PTN: variants seen among roughly 807,000 people sequenced by gnomAD.
PTN encodes pleiotrophin.
A neutral mutation model predicts 24.1 loss-of-function variants in PTN; 18 were observed. The observed-to-expected ratio is 0.75, with a 90% CI of 0.52 to 1.11. The LOEUF is 1.11. PTN is among the 50% of genes least tolerant of loss of function. The pLI, the probability that PTN is intolerant of heterozygous loss-of-function variation, is 0.00. For synonymous variants in PTN, 78 were observed against 68.6 expected (o/e 1.14, Z -0.67); for missense variants, 163 against 198.8 (o/e 0.82, Z 1.08).
At chr7:137,332,791 G>C (rs975274782) in intron 1 of PTN, among the ~76,000 whole-genome samples, 4 of 152,090 alleles carry the variant, frequency 2.6e-5, no homozygotes, top group Admixed American at 1.3e-4. Flanking sequence ...CCAACAATCT[G>C]ATGTTCATAA....
At chr7:137,275,962 A>C (rs190932139) in intron 1 of PTN, among the ~76,000 whole-genome samples, 4 of 152,356 alleles carry the variant, frequency 2.6e-5, no homozygotes, top group African/African-American at 9.6e-5. Flanking sequence ...TCAATTAAAA[A>C]CATAATTAAC....
At chr7:137,314,564 C>T (rs1310007918) in intron 1 of PTN, among the ~76,000 whole-genome samples, 1 of 149,582 alleles carries the variant, frequency 6.7e-6, no homozygotes, top group African/African-American at 2.5e-5. Flanking sequence ...ATGGTATTAT[C>T]TCTCAGGTCC....
rs143291701 is a variant in PTN, at chr7:137,315,351, G to GA, written c.-2+28087dup. ...CCTGAATGTCCCAGAACACTTACAC[G>GA]AAAAAAAAAAAAAGTGCAAGCTCAA... On this transcript the variant is annotated intron_variant, in intron 1 of 4. Transcript: ENST00000348225. Among the ~76,000 whole-genome samples, 1,265 of 140,336 alleles carry GA rather than the reference G, an allele frequency of 9.0e-3. 7 individuals are homozygous for GA. The highest frequency in any genetic ancestry group is 0.018 in the South Asian group (79 of 4,474). The allele number at this position is 140,336 out of a possible 152,430, so 92.1% of individuals were successfully genotyped here.
intron 2 of PTN, among the ~76,000 whole-genome samples, chr7:137,254,285 G>A (rs2128871408): frequency 1.4e-5 from 2 of 144,848 alleles, no homozygotes; most frequent in East Asian, 2.1e-4. Flanking sequence ...GACAGAGCGA[G>A]ACTCCAACTC....
chr7:137,320,378 AACTC>A (rs61282488), intron 1 of PTN, among the ~76,000 whole-genome samples: 11,020 of 152,250 alleles, frequency 0.072, 524 homozygotes, highest in East Asian at 0.15. Context: ...TCCATTTTCT[AACTC>A]ACTCATCTAC....
intron 4 of PTN, among the ~76,000 whole-genome samples, chr7:137,245,992 T>A (rs913661128): frequency 6.6e-6 from 1 of 152,342 alleles, no homozygotes; most frequent in South Asian, 2.1e-4. Flanking sequence ...CATTTACTGT[T>A]GGAGAAAGAA....
At chr7:137,292,619 T>C (rs1809655987) in intron 1 of PTN, among the ~76,000 whole-genome samples, 1 of 152,196 alleles carries the variant, frequency 6.6e-6, no homozygotes, top group African/African-American at 2.4e-5. Flanking sequence ...GGTAAGTCTT[T>C]ATTAGCAGCA....
intron 1 of PTN, among the ~76,000 whole-genome samples, chr7:137,264,813 C>A (rs1200828473): frequency 6.6e-6 from 1 of 152,118 alleles, no homozygotes; most frequent in Non-Finnish European, 1.5e-5. Flanking sequence ...TTAGGTTTTG[C>A]CTAAGAGTTA....
chr7:137,231,722 G>T (rs1808429849), intron 4 of PTN, among the ~76,000 whole-genome samples: 1 of 151,956 alleles, frequency 6.6e-6, no homozygotes, highest in Admixed American at 6.6e-5. Context: ...CTCAAGGAAA[G>T]TAAGGAGTGT....
intron 1 of PTN, among the ~76,000 whole-genome samples, chr7:137,337,627 C>A (rs1279517162): frequency 1.3e-5 from 2 of 152,042 alleles, no homozygotes; most frequent in East Asian, 3.9e-4. Context: ...AGTCTTGAAT[C>A]GGCAACTATG....
chr7:137,234,935 AT>A (rs1235126710), intron 4 of PTN, among the ~76,000 whole-genome samples: 1 of 152,080 alleles, frequency 6.6e-6, no homozygotes, highest in African/African-American at 2.4e-5. Flanking sequence ...GGGAGGAAGT[AT>A]TGATTAGAAT....
chr7:137,314,900 CTTTG>C (rs1810045774), intron 1 of PTN, among the ~76,000 whole-genome samples: 1 of 152,098 alleles, frequency 6.6e-6, no homozygotes, highest in African/African-American at 2.4e-5. Context: ...GCCCATGTTG[CTTTG>C]TGATACTAGT....
chr7:137,321,584 A>T (rs1181404957), intron 1 of PTN, among the ~76,000 whole-genome samples: 2 of 152,208 alleles, frequency 1.3e-5, no homozygotes, highest in African/African-American at 4.8e-5. Context: ...TTTTTCCATG[A>T]CAATGTGATT....
chr7:137,328,718 C>T (rs761467902), intron 1 of PTN, among the ~76,000 whole-genome samples: 1 of 152,100 alleles, frequency 6.6e-6, no homozygotes, highest in Non-Finnish European at 1.5e-5. Flanking sequence ...CTTTCCTCAG[C>T]GCAGGCATGT....
At chr7:137,314,555 T>C (rs1280719729) in intron 1 of PTN, among the ~76,000 whole-genome samples, 1 of 151,296 alleles carries the variant, frequency 6.6e-6, no homozygotes, top group African/African-American at 2.4e-5. Flanking sequence ...CCTATTTTTA[T>C]GGTATTATCT....
At chr7:137,328,718 C>A (rs761467902) in intron 1 of PTN, among the ~76,000 whole-genome samples, 1 of 152,100 alleles carries the variant, frequency 6.6e-6, no homozygotes, top group Non-Finnish European at 1.5e-5. Context: ...CTTTCCTCAG[C>A]GCAGGCATGT....
chr7:137,245,265 A>G (rs898241401), intron 4 of PTN, among the ~76,000 whole-genome samples: 1 of 152,208 alleles, frequency 6.6e-6, no homozygotes, highest in African/African-American at 2.4e-5. Flanking sequence ...GCACTTTCTG[A>G]CGAAGAGCTG....
chr7:137,317,955 A>G (rs1810100769), intron 1 of PTN, among the ~76,000 whole-genome samples: 1 of 152,056 alleles, frequency 6.6e-6, no homozygotes, highest in Admixed American at 6.6e-5. Context: ...GACAAGATAG[A>G]CTTGACCCTT....
At chr7:137,293,423 G>T (rs1048172093) in intron 1 of PTN, among the ~76,000 whole-genome samples, 4 of 152,070 alleles carry the variant, frequency 2.6e-5, no homozygotes, top group Admixed American at 6.6e-5. Flanking sequence ...AATACCTTTA[G>T]AAGTTATTCC....
Sources: allele counts gnomAD v4.1 joint callset (sites outside exome capture counted in the v4.1 genomes callset), GRCh38; gene constraint gnomAD v4.1.1; transcripts MANE v1.5; gene names NCBI Gene and HGNC (gene_info 2026-07-23, HGNC 2026-07-21).